MFN2: variants seen among roughly 807,000 people sequenced by gnomAD.
MFN2 encodes mitofusin-2.
Under a neutral mutation model 87.5 loss-of-function variants are expected in MFN2, and 43 were observed. That is an observed-to-expected ratio of 0.49 (90% CI 0.38 to 0.63). The LOEUF is 0.63. Among genes scored for constraint, MFN2 ranks in the 30% least tolerant of loss-of-function variants. The probability of loss-of-function intolerance (pLI) is 0.00; values close to 1 mark genes in which losing one functional copy is unlikely to be tolerated. For synonymous variants in MFN2, 337 were observed against 359.9 expected, an observed-to-expected ratio of 0.94 and a Z score of 0.72; for missense variants, 743 against 972.8, an observed-to-expected ratio of 0.76 and a Z score of 3.14.
At position 12,004,695 on chromosome 1, in the gene MFN2, C is replaced by G; in HGVS notation, c.1392+82C>G. 1 of 1,506,988 alleles carries G rather than the reference C, an allele frequency of 6.6e-7. No individual in the cohort carries two copies. Among genetic ancestry groups the G allele is most frequent in the Non-Finnish European group, 9.2e-7 (1 of 1,083,998 alleles). The allele number at this position is 1,506,988 out of a possible 1,614,324, so 93.4% of individuals were successfully genotyped here. On this transcript the variant is annotated intron_variant, in intron 13 of 18. Transcript: ENST00000235329. This position sits in a 1 kb window ranked among gnomAD's most constrained non-coding sequence, Gnocchi z 4.2. ...CCTGTTGGTCTGGGTCAGGGCCCCCCAGCAGTGACAGTAGAAGCCACAGAG... is the reference window on the plus strand; with the variant it reads ...CCTGTTGGTCTGGGTCAGGGCCCCCGAGCAGTGACAGTAGAAGCCACAGAG...
At chr1:11,982,895 A>T (rs1482207590) in intron 2 of MFN2, among the ~76,000 whole-genome samples, 1 of 152,166 alleles carries the variant, frequency 6.6e-6, no homozygotes, top group Non-Finnish European at 1.5e-5. Flanking sequence ...TTTAAAAGCT[A>T]TTACACAGAA....
At chr1:12,001,321 C>G (rs938676194) in intron 8 of MFN2, 80 bp from the exon 9 acceptor site, 148 of 1,569,546 alleles carry the variant, frequency 9.4e-5, no homozygotes, top group Non-Finnish European at 1.2e-4. Context: ...CCTCTTATGA[C>G]CTATTCTTTT....
Position 12,006,656 on chromosome 1 carries a change from C to T in MFN2, c.1835C>T (p.Ser612Phe), listed in dbSNP as rs755299545. ...SMVTGLASLTSRTSMGILVVG... is the reference protein window; with the variant it reads ...SMVTGLASLTFRTSMGILVVG... ...GTTACCGGCCTGGCCTCCTTGACATCCAGGACCTCCATGGGCATTCTTGTT... is the reference window on the plus strand; with the variant it reads ...GTTACCGGCCTGGCCTCCTTGACATTCAGGACCTCCATGGGCATTCTTGTT... The change falls in exon 16 of 19, where the codon TCC becomes TTC. Residue 612 changes from serine (S) to phenylalanine (F), a missense_variant. Around this residue, in one of 3 missense-constraint regions of MFN2, gnomAD observed 571 missense variants for 670.7 expected, o/e 0.85. Transcript: ENST00000235329. The T allele has an allele frequency of 6.2e-7, 1 of 1,614,202 alleles. No individual in the cohort carries two copies. Among genetic ancestry groups the T allele is most frequent in the South Asian group, 1.1e-5 (1 of 91,090 alleles).
rs556259186 is a variant in MFN2, at chr1:11,991,880, C to A, written c.176-675C>A. Among the ~76,000 whole-genome samples the A allele has an allele frequency of 2.6e-4, 33 of 129,410 alleles. 2 individuals carry two copies. The South Asian group carries it at 6.6e-3, about 26-fold the overall frequency. The allele number at this position is 129,410 out of a possible 152,430, so 84.9% of individuals were successfully genotyped here. On this transcript the variant is annotated intron_variant, in intron 3 of 18. Coordinates refer to ENST00000235329, the MANE Select transcript of MFN2 (RefSeq NM_014874.4). ...CGGAGCTTGCAGTGAGCCCAGATCC[C>A]GCCACTGCACTCCAGCCTGGGCGAC...
chr1:12,003,958 GA>G lies in MFN2; in HGVS notation c.1161-32del. 1.2e-6 allele frequency: 2 copies of G among 1,613,920 alleles called. No individual in the cohort carries two copies. Among genetic ancestry groups the G allele is most frequent in the Non-Finnish European group, 1.7e-6 (2 of 1,179,904 alleles). On this transcript the variant is annotated intron_variant, in intron 11 of 18. Coordinates refer to ENST00000235329, the MANE Select transcript of MFN2 (RefSeq NM_014874.4). This position sits in a 1 kb window ranked among gnomAD's most constrained non-coding sequence, Gnocchi z 4.1. ...CTTGCTCCTCTGCTTAGTCAGACAG[GA>G]ACATGGATTTCTCACCAGTACTCTG... is the stretch of plus-strand genomic sequence containing the variant.
intron 2 of MFN2, among the ~76,000 whole-genome samples, chr1:11,988,403 GTT>G (rs761186739): frequency 2.2e-5 from 3 of 137,824 alleles, no homozygotes; most frequent in Admixed American, 7.3e-5. Flanking sequence ...ATGCCTGGCT[GTT>G]TTTTTTTTTT....
At chr1:11,996,898 C>T (rs562591601) in intron 5 of MFN2, among the ~76,000 whole-genome samples, 14 of 152,164 alleles carry the variant, frequency 9.2e-5, no homozygotes, top group Non-Finnish European at 1.8e-4. Flanking sequence ...ATTAGCTGGG[C>T]GTGGTGGTAG....
chr1:12,013,305 G>A lies in MFN2; in HGVS notation c.*1740G>A. On this transcript the variant is annotated 3_prime_UTR_variant, in exon 19 of 19. Transcript: ENST00000235329. The stretch of plus-strand genomic sequence containing the variant: ...CGTAAAATTAAATTTATACCACTGA[G>A]GGAGAGACCCTTTCTGAAAGAAGTA... The A allele has an allele frequency of 2.1e-6, 1 of 468,194 alleles. No individual in the cohort carries two copies. Among genetic ancestry groups the A allele is most frequent in the South Asian group, 1.6e-5 (1 of 63,706 alleles). 29.0% of individuals were successfully genotyped at this position (468,194 alleles called of 1,614,324 possible).
chr1:12,013,136 C>G lies in MFN2; in HGVS notation c.*1571C>G, dbSNP rs1639758966. ...GGGCCTGAATGGACAGGGGCCACTT[C>G]ACAGCATGTCAGGGAAAATCACTGT... is the stretch of plus-strand genomic sequence containing the variant. On this transcript the variant is annotated 3_prime_UTR_variant, in exon 19 of 19. Transcript: ENST00000235329. The G allele has an allele frequency of 2.9e-6, 1 of 349,110 alleles. No homozygotes were observed. Among genetic ancestry groups the G allele is most frequent in the Non-Finnish European group, 5.6e-6 (1 of 178,582 alleles). 21.6% of individuals were successfully genotyped at this position (349,110 alleles called of 1,614,324 possible). A position where few individuals can be genotyped will look rare whatever the true frequency, so the allele number is the denominator to read the frequency against.
In MFN2 at chr1:12,003,130, T is replaced by C. The variant is rs528959871; in HGVS notation, c.1161-862T>C. ...CCCTACTGCAGTGGACATTTGTTCA[T>C]GTGTCCCCTTGTGCACCTTTTTAAG... On this transcript the variant is annotated intron_variant, in intron 11 of 18. Coordinates refer to ENST00000235329, the MANE Select transcript of MFN2 (RefSeq NM_014874.4). This position sits in a 1 kb window ranked among gnomAD's most constrained non-coding sequence, Gnocchi z 4.1. 3.3e-5 allele frequency among the ~76,000 whole-genome samples: 5 copies of C among 152,350 alleles called. No homozygotes were observed. The South Asian group carries it at 6.2e-4, about 19-fold the overall frequency.
rs534590074 is a variant in MFN2 at position 12,004,986 on chromosome 1, G to A, written c.1495+59G>A. Reference sequence around the variant, plus strand: ...CCTGGGCTGCCCAAAGATCAGATGCGGAGGCCAAGCTAAAGAAATCAGGAC... The same window carrying A: ...CCTGGGCTGCCCAAAGATCAGATGCAGAGGCCAAGCTAAAGAAATCAGGAC... On this transcript the variant is annotated intron_variant, in intron 14 of 18. Transcript: ENST00000235329. This position sits in a 1 kb window ranked among gnomAD's most constrained non-coding sequence, Gnocchi z 4.2. The A allele has an allele frequency of 2.6e-5, 35 of 1,350,894 alleles. No homozygotes were observed. The African/African-American group carries it at 3.8e-4, about 15-fold the overall frequency. The allele number at this position is 1,350,894 out of a possible 1,614,324, so 83.7% of individuals were successfully genotyped here. A position where few individuals can be genotyped will look rare whatever the true frequency, so the allele number is the denominator to read the frequency against.
intron 1 of MFN2, among the ~76,000 whole-genome samples, chr1:11,981,521 C>A (rs999496019): frequency 6.6e-6 from 1 of 152,254 alleles, no homozygotes; most frequent in Non-Finnish European, 1.5e-5. Flanking sequence ...TTAGACAAAT[C>A]TTCAAGTATT....
chr1:11,995,122 A>G (rs538701629), intron 4 of MFN2, among the ~76,000 whole-genome samples: 6 of 152,130 alleles, frequency 3.9e-5, no homozygotes, highest in African/African-American at 1.4e-4. Context: ...GCTATAGTCT[A>G]TATATAGGTG....
chr1:12,010,686 T>G (rs761939986), intron 18 of MFN2, among the ~76,000 whole-genome samples: 3 of 152,148 alleles, frequency 2.0e-5, no homozygotes, highest in Non-Finnish European at 4.4e-5. Context: ...CAGCCACTCA[T>G]GTTTGGCCCA....
At chr1:11,997,879 C>CTTTT (rs768355266) in intron 6 of MFN2, among the ~76,000 whole-genome samples, 2,301 of 95,830 alleles carry the variant, frequency 0.024, 269 homozygotes, top group Non-Finnish European at 0.029. Context: ...TGTATATCAT[C>CTTTT]TTTTTTTTTT....
Position 12,011,687 on chromosome 1 carries a change from C to A in MFN2, c.*122C>A, listed in dbSNP as rs1048870606. On this transcript the variant is annotated 3_prime_UTR_variant, in exon 19 of 19. Coordinates refer to ENST00000235329, the MANE Select transcript of MFN2 (RefSeq NM_014874.4). ...TGGCCACTGCCAAGAGAATGAAGCA[C>A]CCAGTCTCGTACCATTTTGAGCCCT... 9 of 1,017,134 alleles carry A rather than the reference C, an allele frequency of 8.8e-6. No homozygotes were observed. In the Admixed American group the frequency reaches 1.5e-4, roughly 17 times the overall value. 63.0% of individuals were successfully genotyped at this position (1,017,134 alleles called of 1,614,324 possible). A position where few individuals can be genotyped will look rare whatever the true frequency, so the allele number is the denominator to read the frequency against.
At position 12,001,343 on chromosome 1, in the gene MFN2, C is replaced by T. The variant is rs1639162070; in HGVS notation, c.817-58C>T. On this transcript the variant is annotated intron_variant, in intron 8 of 18. Transcript: ENST00000235329. ...TGACCTATTCTTTTAATAAAAGAGGCAGGTGGGGGCTGTGGGGCCACCTAC... is the reference window on the plus strand; with the variant it reads ...TGACCTATTCTTTTAATAAAAGAGGTAGGTGGGGGCTGTGGGGCCACCTAC... 10 of 1,602,558 alleles carry T rather than the reference C, an allele frequency of 6.2e-6. No individual in the cohort carries two copies. In the Admixed American group the frequency reaches 1.5e-4, roughly 24 times the overall value.
At chr1:11,996,058 CT>C (rs1638894112) in intron 4 of MFN2, 97 bp from the exon 5 acceptor site, 2 of 1,504,990 alleles carry the variant, frequency 1.3e-6, no homozygotes, top group Non-Finnish European at 1.8e-6. Flanking sequence ...CAACATTGCA[CT>C]GAATAGGGCT....
Position 11,996,183 on chromosome 1 carries a change from C to T in MFN2, c.339C>T (p.Ile113=). 6.2e-7 allele frequency: 1 copy of T among 1,614,198 alleles called. No homozygotes were observed. Among genetic ancestry groups the T allele is most frequent in the Non-Finnish European group, 8.5e-7 (1 of 1,180,034 alleles). The change falls in exon 5 of 19, where the codon ATC becomes ATT. Residue 113 remains isoleucine, a synonymous_variant. Coordinates refer to ENST00000235329, the MANE Select transcript of MFN2 (RefSeq NM_014874.4). ...CGAGCAATGGGAAGAGCACCGTGAT[C>T]AATGCCATGCTCTGGGACAAAGTTC... The part of the protein sequence containing the change: ...GRTSNGKSTV[I]NAMLWDKVLP...
Sources: allele counts gnomAD v4.1 joint callset (sites outside exome capture counted in the v4.1 genomes callset), GRCh38; gene constraint gnomAD v4.1.1; regional missense constraint gnomAD v4.1.1; non-coding constraint Gnocchi (gnomAD v3.1); transcripts MANE v1.5; gene names NCBI Gene and HGNC (gene_info 2026-07-23, HGNC 2026-07-21).